Variants in SULF1 observed in about 807,000 individuals in gnomAD.
The protein encoded by SULF1 is sulfatase 1.
SULF1 carries 46 observed loss-of-function variants against 110.5 expected under a neutral mutation model. The ratio of observed to expected loss-of-function variants is 0.42; its 90% CI spans 0.33 to 0.53. SULF1 has a LOEUF of 0.53. Ranked by LOEUF, SULF1 falls within the 20% of genes least tolerant of loss-of-function variation. SULF1 has a pLI of 0.12. For synonymous variants in SULF1, 371 were observed against 387.1 expected, an observed-to-expected ratio of 0.96 and a Z score of 0.49; for missense variants, 941 against 1,094.2, an observed-to-expected ratio of 0.86 and a Z score of 1.98.
chr8:69,574,989 A>G (rs1805501921), intron 5 of SULF1, among the ~76,000 whole-genome samples: 1 of 152,186 alleles, frequency 6.6e-6, no homozygotes, highest in Non-Finnish European at 1.5e-5. Context: ...CCTTGCTGGA[A>G]AACATAGACT....
intron 13 of SULF1, among the ~76,000 whole-genome samples, chr8:69,616,220 A>G (rs1586558478): frequency 6.9e-6 from 1 of 145,716 alleles, no homozygotes; most frequent in African/African-American, 2.6e-5. Flanking sequence ...GTATATATAT[A>G]TATATATATA....
At chr8:69,529,352 A>C (rs1332680814) in intron 3 of SULF1, among the ~76,000 whole-genome samples, 2 of 152,224 alleles carry the variant, frequency 1.3e-5, no homozygotes, top group Non-Finnish European at 2.9e-5. Context: ...CTTATGAATC[A>C]TCAACGGTTA....
At chr8:69,527,019 C>T (rs142182229) in intron 3 of SULF1, among the ~76,000 whole-genome samples, 2 of 152,218 alleles carry the variant, frequency 1.3e-5, no homozygotes, top group Admixed American at 1.3e-4. Context: ...TTTAAACACT[C>T]TAGAAATGCA....
At chr8:69,644,718 G>A (rs973473703) in intron 22 of SULF1, among the ~76,000 whole-genome samples, 5 of 146,816 alleles carry the variant, frequency 3.4e-5, no homozygotes, top group African/African-American at 1.3e-4. Flanking sequence ...CCGAGATCAC[G>A]CCACTGGACT....
intron 1 of SULF1, among the ~76,000 whole-genome samples, chr8:69,468,644 CA>C (rs1808957272): frequency 6.6e-6 from 1 of 152,070 alleles, no homozygotes; most frequent in Non-Finnish European, 1.5e-5. Flanking sequence ...TTTGGCTTTA[CA>C]ATGGAAATGA....
At chr8:69,508,791 T>C (rs979348594) in intron 3 of SULF1, among the ~76,000 whole-genome samples, 2 of 152,186 alleles carry the variant, frequency 1.3e-5, no homozygotes, top group Non-Finnish European at 2.9e-5. Context: ...GCCATATTCA[T>C]GGGAGCCTGA....
chr8:69,602,973 T>A (rs564376156), intron 10 of SULF1, among the ~76,000 whole-genome samples: 49 of 152,252 alleles, frequency 3.2e-4, no homozygotes, highest in African/African-American at 1.2e-3. Context: ...GGTGCAGGCA[T>A]CTCTCCAGCC....
chr8:69,510,725 T>C (rs1811500023), intron 3 of SULF1, among the ~76,000 whole-genome samples: 1 of 151,716 alleles, frequency 6.6e-6, no homozygotes, highest in Non-Finnish European at 1.5e-5. Flanking sequence ...CAAGTGATTC[T>C]CCTGCCTCAG....
intron 5 of SULF1, among the ~76,000 whole-genome samples, chr8:69,571,680 A>G (rs1413989342): frequency 1.3e-5 from 2 of 152,244 alleles, no homozygotes; most frequent in Admixed American, 1.3e-4. Flanking sequence ...CTTATCGGAC[A>G]GACATTGTCC....
At chr8:69,627,351 C>T (rs1810164622) in intron 16 of SULF1, 45 bp downstream of exon 16, 1 of 1,468,178 alleles carries the variant, frequency 6.8e-7, no homozygotes, top group Admixed American at 1.7e-5. Context: ...CAAACTCAAA[C>T]TCGGCCTGCC....
chr8:69,640,164 AAAG>A (rs1811360225), intron 21 of SULF1, among the ~76,000 whole-genome samples: 4 of 93,280 alleles, frequency 4.3e-5, no homozygotes, highest in Admixed American at 1.2e-4. Context: ...AGAAAGAAAA[AAAG>A]AAAGAAAGAA....
At chr8:69,579,618 T>C (rs1805923952) in intron 6 of SULF1, among the ~76,000 whole-genome samples, 1 of 150,630 alleles carries the variant, frequency 6.6e-6, no homozygotes, top group Non-Finnish European at 1.5e-5. Flanking sequence ...ATCTCTATAA[T>C]TTAATTTATC....
chr8:69,627,982 G>A, intron 17 of SULF1, 116 bp downstream of exon 17: 3 of 893,842 alleles, frequency 3.4e-6, no homozygotes, highest in Non-Finnish European at 5.3e-6. Flanking sequence ...CATAGAGTAC[G>A]ATAACCTAAG....
chr8:69,568,133 A>G (rs766215690), intron 5 of SULF1, among the ~76,000 whole-genome samples: 104 of 152,326 alleles, frequency 6.8e-4, no homozygotes, highest in Non-Finnish European at 6.8e-4. Flanking sequence ...GCTTTAATAA[A>G]TCTTCACCTA....
intron 13 of SULF1, among the ~76,000 whole-genome samples, chr8:69,617,094 C>T (rs536193014): frequency 3.9e-5 from 6 of 151,938 alleles, no homozygotes; most frequent in Non-Finnish European, 8.8e-5. Context: ...TACTGATTCC[C>T]AAACTTTGCA....
intron 3 of SULF1, among the ~76,000 whole-genome samples, chr8:69,538,014 G>A (rs1221570009): frequency 2.0e-5 from 3 of 147,386 alleles, no homozygotes; most frequent in Non-Finnish European, 3.0e-5. Context: ...AGGCTGTCGT[G>A]CAGTGGCGCC....
intron 1 of SULF1, among the ~76,000 whole-genome samples, chr8:69,482,982 T>A (rs966011524): frequency 2.0e-5 from 3 of 152,138 alleles, no homozygotes; most frequent in Non-Finnish European, 4.4e-5. Flanking sequence ...AAAATACAAA[T>A]TTTAGAATAC....
chr8:69,502,510 G>C (rs1410925095), intron 3 of SULF1, among the ~76,000 whole-genome samples: 1 of 152,012 alleles, frequency 6.6e-6, no homozygotes, highest in Non-Finnish European at 1.5e-5. Context: ...CTAGGGTTTG[G>C]GTTCATATGA....
intron 3 of SULF1, among the ~76,000 whole-genome samples, chr8:69,550,926 G>A (rs1814664250): frequency 6.6e-6 from 1 of 152,172 alleles, no homozygotes; most frequent in Non-Finnish European, 1.5e-5. Context: ...CACAGTGTGG[G>A]ATGAAGGATT....
Sources: allele counts gnomAD v4.1 joint callset (sites outside exome capture counted in the v4.1 genomes callset), GRCh38; gene constraint gnomAD v4.1.1; transcripts MANE v1.5; gene names NCBI Gene and HGNC (gene_info 2026-07-23, HGNC 2026-07-21).